Variants in ZRANB3 observed in about 807,000 individuals in gnomAD.
The protein encoded by ZRANB3 is zinc finger RANBP2-type containing 3.
Under a neutral mutation model 133.8 loss-of-function variants are expected in ZRANB3, and 125 were observed. The ratio of observed to expected loss-of-function variants is 0.93; its 90% CI spans 0.81 to 1.08. The LOEUF is 1.08. ZRANB3 is among the 50% of genes least tolerant of loss of function. ZRANB3 has a pLI of 0.00. For missense variants in ZRANB3, 1,229 were observed against 1,275.5 expected, an observed-to-expected ratio of 0.96 and a Z score of 0.56; for synonymous variants, 387 against 432.7, an observed-to-expected ratio of 0.89 and a Z score of 1.31.
chr2:135,404,816 G>C (rs1687928080), intron 2 of ZRANB3, among the ~76,000 whole-genome samples: 1 of 152,172 alleles, frequency 6.6e-6, no homozygotes, highest in African/African-American at 2.4e-5. Context: ...TTAAAGAAAA[G>C]AATTTTCAAC....
At chr2:135,452,834 G>T (rs1690333555) in intron 2 of ZRANB3, among the ~76,000 whole-genome samples, 1 of 152,190 alleles carries the variant, frequency 6.6e-6, no homozygotes, top group African/African-American at 2.4e-5. Flanking sequence ...AGCTTTTCCA[G>T]GCACACAGTG....
chr2:135,275,766 A>G lies in ZRANB3; in HGVS notation c.967-11T>C. On this transcript the variant is annotated splice_polypyrimidine_tract_variant and intron_variant, in intron 8 of 20. Coordinates refer to ENST00000264159, the MANE Select transcript of ZRANB3 (RefSeq NM_032143.4). The stretch of plus-strand genomic sequence containing the variant: ...CTTTACAGCACCTGCCTAAATATTA[A>G]AAGGTAAACCTTATTAGTGTCATAA... The G allele has an allele frequency of 6.5e-7, 1 of 1,546,766 alleles. No homozygotes were observed. Among genetic ancestry groups the G allele is most frequent in the South Asian group, 1.3e-5 (1 of 79,414 alleles).
chr2:135,529,645 C>G (rs925611134), intron 1 of ZRANB3, among the ~76,000 whole-genome samples: 2 of 151,802 alleles, frequency 1.3e-5, no homozygotes, highest in African/African-American at 4.8e-5. Context: ...GACTACAGAT[C>G]CTACAGATCT....
At chr2:135,495,024 CA>C (rs1692601100) in intron 2 of ZRANB3, among the ~76,000 whole-genome samples, 2 of 152,052 alleles carry the variant, frequency 1.3e-5, no homozygotes, top group South Asian at 2.1e-4. Flanking sequence ...CATATGGGGC[CA>C]GGAGTTCAAT....
At chr2:135,226,480 A>G (rs1360831435) in intron 14 of ZRANB3, among the ~76,000 whole-genome samples, 1 of 152,240 alleles carries the variant, frequency 6.6e-6, no homozygotes, top group African/African-American at 2.4e-5. Context: ...CAGCCCAGTG[A>G]TCTGAAAAGT....
At chr2:135,404,277 C>G (rs900278282) in intron 2 of ZRANB3, among the ~76,000 whole-genome samples, 2 of 152,162 alleles carry the variant, frequency 1.3e-5, no homozygotes, top group Non-Finnish European at 2.9e-5. Context: ...GTGCTGAAAA[C>G]CAAGGCACGA....
chr2:135,415,810 A>T (rs955925180), intron 2 of ZRANB3, among the ~76,000 whole-genome samples: 12 of 152,208 alleles, frequency 7.9e-5, no homozygotes, highest in Admixed American at 2.0e-4. Context: ...AATATACACA[A>T]ATCAATAAAT....
chr2:135,434,223 G>C (rs1689436854), intron 2 of ZRANB3, among the ~76,000 whole-genome samples: 2 of 152,152 alleles, frequency 1.3e-5, no homozygotes, highest in Non-Finnish European at 2.9e-5. Context: ...CCTCAGGCAG[G>C]GTTGTCCCTG....
chr2:135,353,985 C>CA (rs1423398100), intron 3 of ZRANB3, among the ~76,000 whole-genome samples: 1 of 151,870 alleles, frequency 6.6e-6, no homozygotes, highest in Non-Finnish European at 1.5e-5. Context: ...GCCTGGGTGA[C>CA]AGAGTAAGGC....
chr2:135,232,690 GAGTGGACCTCC>G (rs1033580951), intron 12 of ZRANB3, among the ~76,000 whole-genome samples: 4 of 152,178 alleles, frequency 2.6e-5, no homozygotes, highest in African/African-American at 9.7e-5. Context: ...ACAGGGTCTG[GAGTGGACCTCC>G]AGCAAACTCC....
At chr2:135,469,710 A>G (rs909650053) in intron 2 of ZRANB3, among the ~76,000 whole-genome samples, 1 of 152,154 alleles carries the variant, frequency 6.6e-6, no homozygotes, top group African/African-American at 2.4e-5. Context: ...ATAATATAAT[A>G]AATACAGTTA....
chr2:135,369,520 C>T (rs949948621), intron 3 of ZRANB3, among the ~76,000 whole-genome samples: 1 of 152,028 alleles, frequency 6.6e-6, no homozygotes, highest in Non-Finnish European at 1.5e-5. Flanking sequence ...CTTTGCCTCA[C>T]TATAATATAT....
Position 135,413,977 on chromosome 2 carries a change from G to C in ZRANB3, c.162-23157C>G, listed in dbSNP as rs370812998. Among the ~76,000 whole-genome samples, 29 of 151,230 alleles carry C rather than the reference G, an allele frequency of 1.9e-4. No homozygotes were observed. In the East Asian group the frequency reaches 4.3e-3, roughly 22 times the overall value. On this transcript the variant is annotated intron_variant, in intron 2 of 20. Transcript: ENST00000264159. ...GGAAGCACTAAACATGGAAAGGAAC[G>C]AGTACCAACCGTGGCAAAATCATGC...
intron 2 of ZRANB3, among the ~76,000 whole-genome samples, chr2:135,478,283 T>C (rs922175584): frequency 6.6e-6 from 1 of 152,124 alleles, no homozygotes; most frequent in African/African-American, 2.4e-5. Context: ...ACAGAAATTA[T>C]GTAAATCTCA....
intron 3 of ZRANB3, among the ~76,000 whole-genome samples, chr2:135,374,254 A>C (rs903079165): frequency 2.0e-5 from 3 of 152,010 alleles, no homozygotes; most frequent in African/African-American, 4.8e-5. Context: ...AAAAATACAA[A>C]AATTAGCTGG....
chr2:135,283,551 A>G (rs1380376712), intron 8 of ZRANB3, among the ~76,000 whole-genome samples: 2 of 151,412 alleles, frequency 1.3e-5, no homozygotes, highest in African/African-American at 4.9e-5. Flanking sequence ...TAGAGGTTAC[A>G]GGTTGCAGTG....
intron 1 of ZRANB3, among the ~76,000 whole-genome samples, chr2:135,520,461 G>A (rs1399454471): frequency 6.7e-6 from 1 of 148,874 alleles, no homozygotes; most frequent in Non-Finnish European, 1.5e-5. Flanking sequence ...CACTCTGCCT[G>A]GAGTACAGGG....
Position 135,350,119 on chromosome 2 carries a change from T to G in ZRANB3, c.456A>C (p.Lys152Asn). 1 of 1,613,782 alleles carries G rather than the reference T, an allele frequency of 6.2e-7. No individual in the cohort carries two copies. The highest frequency in any genetic ancestry group is 8.5e-7 in the Non-Finnish European group (1 of 1,179,842). The part of the protein sequence containing the change: ...LIDALNNQNF[K>N]VVIVDESHYM... ...AGTGTGATTCATCCACTATAACTACTTTGAAGTTCTGATTATTCAGTGCAT... is the reference window on the plus strand; with the variant it reads ...AGTGTGATTCATCCACTATAACTACGTTGAAGTTCTGATTATTCAGTGCAT... Residue 152 changes from lysine to asparagine, a missense_variant, in exon 5 of 21, where the codon AAA (lysine) becomes AAC (asparagine). Physicochemically the swap from Lys to Asn is moderately conservative, Grantham distance 94. Transcript: ENST00000264159.
intron 15 of ZRANB3, among the ~76,000 whole-genome samples, chr2:135,224,030 T>C (rs1694658654): frequency 6.6e-6 from 1 of 152,230 alleles, no homozygotes; most frequent in South Asian, 2.1e-4. Flanking sequence ...TTAACAATTT[T>C]TAATTTTTAA....
Sources: allele counts gnomAD v4.1 joint callset (sites outside exome capture counted in the v4.1 genomes callset), GRCh38; gene constraint gnomAD v4.1.1; transcripts MANE v1.5; gene names NCBI Gene and HGNC (gene_info 2026-07-23, HGNC 2026-07-21).